Variants in SCNN1B observed in about 807,000 individuals in gnomAD.
SCNN1B encodes epithelial sodium channel subunit beta.
SCNN1B carries 46 observed loss-of-function variants against 65.3 expected under a neutral mutation model. The ratio of observed to expected loss-of-function variants is 0.70; its 90% CI spans 0.56 to 0.90. The LOEUF (loss-of-function observed/expected upper bound fraction) is 0.90, where lower values mean the gene tolerates loss of function less well. Ranked by LOEUF, SCNN1B falls within the 40% of genes least tolerant of loss-of-function variation. The pLI is 0.00. For missense variants in SCNN1B, 751 were observed against 830.5 expected, an observed-to-expected ratio of 0.90 and a Z score of 1.18; for synonymous variants, 349 against 330.6, an observed-to-expected ratio of 1.06 and a Z score of -0.60.
upstream of SCNN1B, among the ~76,000 whole-genome samples, chr16:23,300,687 T>C (rs1261896760): frequency 6.6e-6 from 1 of 152,086 alleles, no homozygotes; most frequent in Admixed American, 6.5e-5. Context: ...ATAAACTTTT[T>C]TTAATTAGCC....
intron 1 of SCNN1B, among the ~76,000 whole-genome samples, chr16:23,278,588 T>C (rs1345143976): frequency 6.6e-6 from 1 of 152,012 alleles, no homozygotes; most frequent in Admixed American, 6.6e-5. Context: ...GGTAACTGCT[T>C]AATGAGTATG....
chr16:23,364,375 C>A (rs1433779011), intron 4 of SCNN1B, among the ~76,000 whole-genome samples: 5 of 152,072 alleles, frequency 3.3e-5, no homozygotes, highest in African/African-American at 1.2e-4. Context: ...GAGAATATTC[C>A]AGGCACAAAG....
intron 2 of SCNN1B, among the ~76,000 whole-genome samples, chr16:23,289,865 G>T (rs1238112357): frequency 6.6e-6 from 1 of 151,638 alleles, no homozygotes; most frequent in African/African-American, 2.4e-5. Context: ...TAGTAGAGAC[G>T]GGGTTTCACC....
chr16:23,365,423 AAG>A (rs898297547), intron 4 of SCNN1B, among the ~76,000 whole-genome samples: 2 of 150,302 alleles, frequency 1.3e-5, no homozygotes, highest in African/African-American at 4.9e-5. Context: ...AAGAAAGAGA[AAG>A]AAAGGAAGGA....
intron 4 of SCNN1B, chr16:23,359,131 G>C (rs1340252266): frequency 6.6e-6 from 1 of 151,998 alleles, no homozygotes; most frequent in African/African-American, 2.4e-5. Flanking sequence ...TGTTGCCCAG[G>C]CTGGTCTCAA....
At chr16:23,307,127 T>G (rs750155081) in intron 1 of SCNN1B, among the ~76,000 whole-genome samples, 4 of 152,158 alleles carry the variant, frequency 2.6e-5, no homozygotes, top group Non-Finnish European at 5.9e-5. Flanking sequence ...GAGCCCTTGC[T>G]GAGCCTCAGT....
At chr16:23,280,123 T>C (rs2023667) in intron 1 of SCNN1B, among the ~76,000 whole-genome samples, 46,820 of 152,142 alleles carry the variant, frequency 0.31, 12,307 homozygotes, top group African/African-American at 0.72. Flanking sequence ...TTCAGTCCTT[T>C]CCGTGTGCCC....
rs1311338274 is a variant in SCNN1B, at chr16:23,348,194, T to C, written c.-8-398T>C. Reference sequence around the variant, plus strand: ...TTCTCATCAATGTTACAATGAAACATTGAACAAAACGACGTCGTTTGAGGA... The same window carrying C: ...TTCTCATCAATGTTACAATGAAACACTGAACAAAACGACGTCGTTTGAGGA... On this transcript the variant is annotated intron_variant, in intron 1 of 12. Coordinates refer to ENST00000343070, the MANE Select transcript of SCNN1B (RefSeq NM_000336.3). This position sits in a 1 kb window ranked among gnomAD's most constrained non-coding sequence, Gnocchi z 4.5. 6.6e-6 allele frequency among the ~76,000 whole-genome samples: 1 copy of C among 152,058 alleles called. No homozygotes were observed. Among genetic ancestry groups the C allele is most frequent in the Non-Finnish European group, 1.5e-5 (1 of 68,006 alleles).
intron 10 of SCNN1B, 102 bp downstream of exon 10, chr16:23,377,488 T>TC: frequency 4.1e-6 from 4 of 981,040 alleles, no homozygotes; most frequent in Non-Finnish European, 6.5e-6. Context: ...GGTGCCTTTT[T>TC]CCCTCCCTCC....
chr16:23,364,565 C>G (rs1962610923), intron 4 of SCNN1B, among the ~76,000 whole-genome samples: 1 of 152,188 alleles, frequency 6.6e-6, no homozygotes, highest in African/African-American at 2.4e-5. Flanking sequence ...AACAATCACC[C>G]TGACTGCTGT....
In SCNN1B at chr16:23,355,291, C is replaced by T; in HGVS notation, c.586-8C>T. On this transcript the variant is annotated splice_region_variant and splice_polypyrimidine_tract_variant and intron_variant, in intron 3 of 12. Coordinates refer to ENST00000343070, the MANE Select transcript of SCNN1B (RefSeq NM_000336.3). ...GCCACCCACAAAAACCCCTCTTGGC[C>T]TCCACAGTGTAGCCTCAACAGGACC... 6.2e-7 allele frequency: 1 copy of T among 1,614,156 alleles called. No homozygotes were observed. Among genetic ancestry groups the T allele is most frequent in the African/African-American group, 1.3e-5 (1 of 75,056 alleles).
chr16:23,361,795 G>A (rs1171579741), intron 4 of SCNN1B, among the ~76,000 whole-genome samples: 1 of 151,914 alleles, frequency 6.6e-6, no homozygotes, highest in Non-Finnish European at 1.5e-5. Context: ...TTGTTTGTTT[G>A]TTTGTTTTTG....
chr16:23,307,140 T>C (rs1007821399), intron 1 of SCNN1B, among the ~76,000 whole-genome samples: 1 of 152,174 alleles, frequency 6.6e-6, no homozygotes, highest in Non-Finnish European at 1.5e-5. Context: ...GCCTCAGTTT[T>C]CTCACTGTAA....
At chr16:23,378,657 G>A in intron 10 of SCNN1B, 49 bp from the exon 11 acceptor site, 1 of 1,558,760 alleles carries the variant, frequency 6.4e-7, no homozygotes, top group Non-Finnish European at 8.9e-7. Flanking sequence ...CCATGACTGG[G>A]AGGGATGCTG....
rs1052690676 is a variant in SCNN1B, at chr16:23,352,092, A to G, written c.312-709A>G. Among the ~76,000 whole-genome samples, 10 of 152,260 alleles carry G rather than the reference A, an allele frequency of 6.6e-5. No homozygotes were observed. In the East Asian group the frequency reaches 1.2e-3, roughly 18 times the overall value. On this transcript the variant is annotated intron_variant, in intron 2 of 12. Coordinates refer to ENST00000343070, the MANE Select transcript of SCNN1B (RefSeq NM_000336.3). The stretch of plus-strand genomic sequence containing the variant: ...GCACCTGGCACATGGTAAGCTATCA[A>G]TAACCATGAGCCATTACAATTCTTC...
Position 23,305,560 on chromosome 16 carries a change from A to AAATAT in SCNN1B, c.-9+3123_-9+3124insAATAT, listed in dbSNP as rs1258428479. On this transcript the variant is annotated intron_variant, in intron 1 of 12. Transcript: ENST00000343070. ...TATATATATATATATATATATATAT[A>AAATAT]TATATATATATATATATTATATATA... Among the ~76,000 whole-genome samples, 133 of 44,168 alleles carry AAATAT rather than the reference A, an allele frequency of 3.0e-3. 4 individuals carry two copies. The highest frequency in any genetic ancestry group is 0.012 in the African/African-American group (82 of 6,672). 29.0% of individuals were successfully genotyped at this position (44,168 alleles called of 152,430 possible).
rs1555488432 is a variant in SCNN1B at position 23,360,201 on chromosome 16, A to AAAAATAAATAAATAAAT, written c.776+4715_776+4716insATAAATAAATAAATAAA. Among the ~76,000 whole-genome samples, 322 of 132,838 alleles carry AAAAATAAATAAATAAAT rather than the reference A, an allele frequency of 2.4e-3. 1 individual carries two copies. The highest frequency in any genetic ancestry group is 4.3e-3 in the Non-Finnish European group (261 of 60,224). 87.1% of individuals were successfully genotyped at this position (132,838 alleles called of 152,430 possible). A position where few individuals can be genotyped will look rare whatever the true frequency, so the allele number is the denominator to read the frequency against. ...AGAGAGAGCGAGACTCCATCTCAAA[A>AAAAATAAATAAATAAAT]AAATAAATAAATAAATAAATAAATA... On this transcript the variant is annotated intron_variant, in intron 4 of 12. Transcript: ENST00000343070.
chr16:23,319,051 T>G lies in SCNN1B; in HGVS notation c.-9+16614T>G, dbSNP rs1003735740. 3.5e-3 allele frequency among the ~76,000 whole-genome samples: 532 copies of G among 151,972 alleles called. 4 individuals are homozygous for G. The highest frequency in any genetic ancestry group is 0.012 in the African/African-American group (510 of 41,496). ...TGGGGGTTTTGTTTGTTTTGTTTTT[T>G]TTTTTTTTGAGACAGAGCCTCACTC... On this transcript the variant is annotated intron_variant, in intron 1 of 12. Transcript: ENST00000343070.
At chr16:23,363,262 TCCAC>T (rs1407004760) in intron 4 of SCNN1B, among the ~76,000 whole-genome samples, 1 of 152,220 alleles carries the variant, frequency 6.6e-6, no homozygotes, top group East Asian at 1.9e-4. Flanking sequence ...ATGCTAGGCA[TCCAC>T]CCCTTGCCGC....
Sources: gnomAD v4.1 joint callset for allele counts (sites outside exome capture counted in the v4.1 genomes callset) on GRCh38, gnomAD v4.1.1 for gene constraint, Gnocchi (gnomAD v3.1) non-coding constraint, MANE v1.5 for transcripts, NCBI Gene and HGNC (gene_info 2026-07-23, HGNC 2026-07-21) for gene names.